Variants in ZNF415 observed in about 807,000 individuals in gnomAD.
The protein encoded by ZNF415 is zinc finger protein 415.
In ZNF415, 5 loss-of-function variants were observed where a neutral mutation model predicts 7.3. That is an observed-to-expected ratio of 0.69 (90% CI 0.36 to 1.44). The LOEUF (loss-of-function observed/expected upper bound fraction) is 1.44, where lower values mean the gene tolerates loss of function less well. Among genes scored for constraint, ZNF415 ranks in the 40% most tolerant of loss-of-function variants. The pLI is 0.04. For missense variants in ZNF415, 628 were observed against 664.8 expected (o/e 0.94, Z 0.61); for synonymous variants, 207 against 226.3 (o/e 0.91, Z 0.77).
intron 2 of ZNF415, among the ~76,000 whole-genome samples, chr19:53,118,552 A>G (rs558719611): frequency 1.3e-5 from 2 of 152,302 alleles, no homozygotes; most frequent in African/African-American, 4.8e-5. Context: ...TAGAACACAA[A>G]ACAAGTCTCA....
chr19:53,121,577 G>A (rs1338756847), intron 2 of ZNF415, among the ~76,000 whole-genome samples: 5 of 151,642 alleles, frequency 3.3e-5, no homozygotes, highest in East Asian at 4.0e-4. Context: ...ACAGGCGTGC[G>A]CCACCACGCC....
In ZNF415 at chr19:53,109,552, C is replaced by A; in HGVS notation, c.493G>T (p.Val165Phe). 1 of 1,614,084 alleles carries A rather than the reference C, an allele frequency of 6.2e-7. No individual in the cohort carries two copies. Among genetic ancestry groups the A allele is most frequent in the Non-Finnish European group, 8.5e-7 (1 of 1,179,998 alleles). ...GAACCATGGTTGACAGACTTCTCAA[C>A]ATGGTTACATTCATAAATTTTCCCT... ...AEGKIYECNH[V>F]EKSVNHGSSV... Residue 165 changes from valine (V) to phenylalanine (F), a missense_variant, in exon 4 of 4, where the codon GTT becomes TTT. Physicochemically the swap from Val to Phe is conservative, Grantham distance 50. Coordinates refer to ENST00000243643, the MANE Select transcript of ZNF415 (RefSeq NM_018355.4).
At chr19:53,128,968 C>T (rs2089663671) in intron 1 of ZNF415, among the ~76,000 whole-genome samples, 1 of 148,470 alleles carries the variant, frequency 6.7e-6, no homozygotes, top group African/African-American at 2.5e-5. Flanking sequence ...GAAGAGTGTC[C>T]GATGTGGTGA....
At position 53,109,541 on chromosome 19, in the gene ZNF415, A is replaced by C; in HGVS notation, c.504T>G (p.Ser168=). Residue 168 remains serine (S), a synonymous_variant, in exon 4 of 4, where the codon TCT becomes TCG. Transcript: ENST00000243643. The part of the protein sequence containing the change: ...KIYECNHVEK[S]VNHGSSVSPP... ...GTGAAACTGAGGAACCATGGTTGACAGACTTCTCAACATGGTTACATTCAT... is the reference window on the plus strand; with the variant it reads ...GTGAAACTGAGGAACCATGGTTGACCGACTTCTCAACATGGTTACATTCAT... 6.2e-7 allele frequency: 1 copy of C among 1,614,094 alleles called. No individual in the cohort carries two copies. The highest frequency in any genetic ancestry group is 2.2e-5 in the East Asian group (1 of 44,878).
At chr19:53,118,738 A>G (rs527769852) in intron 2 of ZNF415, among the ~76,000 whole-genome samples, 1 of 152,116 alleles carries the variant, frequency 6.6e-6, no homozygotes, top group Non-Finnish European at 1.5e-5. Context: ...AAAAAAAAAA[A>G]TCTTGAAACA....
rs2085750265 is a variant in ZNF415, at chr19:53,108,723, T to C, written c.1322A>G (p.Lys441Arg). The part of the protein sequence containing the change: ...RRVHTGEKPY[K>R]CNECGKAFSV... ...AAAGGCTTTCCCACACTCATTACAC[T>C]TGTAAGGTTTCTCTCCAGTATGAAC... The change falls in exon 4 of 4, where the codon AAG becomes AGG. Residue 441 changes from lysine to arginine, a missense_variant. Lys to Arg is a conservative substitution (Grantham distance 26). Coordinates refer to ENST00000243643, the MANE Select transcript of ZNF415 (RefSeq NM_018355.4). 9.3e-6 allele frequency: 15 copies of C among 1,614,202 alleles called. No homozygotes were observed. The highest frequency in any genetic ancestry group is 1.6e-4 in the Middle Eastern group (1 of 6,062).
intron 1 of ZNF415, among the ~76,000 whole-genome samples, chr19:53,130,066 C>CAAAAAAAAAAAAAAAAAAAAAAA (rs11314090): frequency 8.1e-6 from 1 of 123,458 alleles, no homozygotes. Flanking sequence ...CTCCAGCTCA[C>CAAAAAAAAAAAAAAAAAAAAAAA]AAAAAAAAAA....
intron 1 of ZNF415, among the ~76,000 whole-genome samples, chr19:53,127,256 C>T (rs1466906586): frequency 6.6e-6 from 1 of 152,136 alleles, no homozygotes; most frequent in Non-Finnish European, 1.5e-5. Flanking sequence ...CTCAGACACG[C>T]TTACAAACTC....
At chr19:53,123,697 T>C (rs1167283958) in intron 1 of ZNF415, 2 of 398,348 alleles carry the variant, frequency 5.0e-6, no homozygotes, top group East Asian at 3.6e-5. Flanking sequence ...GTCAAACATT[T>C]TTCTCCCACA....
rs2085677412 is a variant in ZNF415, at chr19:53,108,309, G to T, written c.*68C>A. ...CTTGCCACATTTATTATACTTGTAT[G>T]GTTTCTCTCTGATATAAATTCTTTG... On this transcript the variant is annotated 3_prime_UTR_variant, in exon 4 of 4. Transcript: ENST00000243643. The T allele has an allele frequency of 2.8e-6, 4 of 1,433,150 alleles. No homozygotes were observed. In the African/African-American group the frequency reaches 4.3e-5, roughly 15 times the overall value. The allele number at this position is 1,433,150 out of a possible 1,614,324, so 88.8% of individuals were successfully genotyped here.
rs2085688210 is a variant in ZNF415 at position 53,108,390 on chromosome 19, T to C, written c.1655A>G (p.Tyr552Cys). Residue 552 changes from tyrosine to cysteine, a missense_variant, in exon 4 of 4, where the codon TAT becomes TGT. Physicochemically the swap from Tyr to Cys is radical, Grantham distance 194 (BLOSUM62 -2). Coordinates refer to ENST00000243643, the MANE Select transcript of ZNF415 (RefSeq NM_018355.4). ...HQIIHTKEKP[Y>C]KRN ...GACCTTGCCATATTAATTTCTTTTATAAGGTTTCTCCTTAGTATGGATAAT... is the reference window on the plus strand; with the variant it reads ...GACCTTGCCATATTAATTTCTTTTACAAGGTTTCTCCTTAGTATGGATAAT... 1 of 1,600,864 alleles carries C rather than the reference T, an allele frequency of 6.2e-7. No individual in the cohort carries two copies. The highest frequency in any genetic ancestry group is 1.7e-5 in the Admixed American group (1 of 57,328).
rs745830216 is a variant in ZNF415 at position 53,122,717 on chromosome 19, T to C, written c.-41A>G. 1.9e-6 allele frequency: 3 copies of C among 1,614,062 alleles called. No homozygotes were observed. The highest frequency in any genetic ancestry group is 1.3e-5 in the African/African-American group (1 of 75,014). On this transcript the variant is annotated 5_prime_UTR_variant, in exon 2 of 4. The change abolishes an upstream ATG in the 5' untranslated region. Coordinates refer to ENST00000243643, the MANE Select transcript of ZNF415 (RefSeq NM_018355.4). ...TCTCCTCTTCTGGGTTTCTTCCTCA[T>C]GTGCCAGGAGTCTTTGGAAGTCAAT...
rs770517194 is a variant in ZNF415, at chr19:53,109,702, T to G, written c.343A>C (p.Lys115Gln). The G allele has an allele frequency of 1.9e-6, 3 of 1,613,898 alleles. No individual in the cohort carries two copies. The highest frequency in any genetic ancestry group is 1.3e-5 in the African/African-American group (1 of 74,912). Reference protein sequence around the residue: ...RNCNKVTTAPKENLTCRRDQR... With the variant: ...RNCNKVTTAPQENLTCRRDQR... ...TCTCTCCTACAAGTAAGATTTTCTTTTGGGGCCGTAGTCACTTTGTTGCAA... is the reference window on the plus strand; with the variant it reads ...TCTCTCCTACAAGTAAGATTTTCTTGTGGGGCCGTAGTCACTTTGTTGCAA... Residue 115 changes from lysine to glutamine, a missense_variant, in exon 4 of 4, where the codon AAA becomes CAA. Lys to Gln is a moderately conservative substitution (Grantham distance 53). Coordinates refer to ENST00000243643, the MANE Select transcript of ZNF415 (RefSeq NM_018355.4).
chr19:53,130,449 A>G (rs2089913713), intron 1 of ZNF415, among the ~76,000 whole-genome samples: 1 of 152,070 alleles, frequency 6.6e-6, no homozygotes, highest in Non-Finnish European at 1.5e-5. Flanking sequence ...TTGGAGCTAA[A>G]AAAATTGAAA....
intron 3 of ZNF415, among the ~76,000 whole-genome samples, chr19:53,111,322 T>A (rs1045165340): frequency 2.0e-5 from 3 of 148,746 alleles, no homozygotes; most frequent in African/African-American, 7.3e-5. Flanking sequence ...GGTTTAGTTC[T>A]CCTAGCCTAT....
intron 3 of ZNF415, 73 bp downstream of exon 3, chr19:53,116,240 C>T: frequency 1.3e-6 from 2 of 1,533,182 alleles, no homozygotes; most frequent in Non-Finnish European, 1.8e-6. Flanking sequence ...GCAGGGGCTC[C>T]CAAGAGGCAC....
At chr19:53,123,017 T>G (rs923836361) in intron 1 of ZNF415, among the ~76,000 whole-genome samples, 1 of 152,086 alleles carries the variant, frequency 6.6e-6, no homozygotes, top group Admixed American at 6.6e-5. Flanking sequence ...TTAAACCCCA[T>G]GCAGAGCACA....
chr19:53,120,997 T>C (rs545819948), intron 2 of ZNF415, among the ~76,000 whole-genome samples: 1 of 146,170 alleles, frequency 6.8e-6, no homozygotes, highest in Non-Finnish European at 1.5e-5. Flanking sequence ...GGCAGGAGAA[T>C]TGCTTGAACC....
At chr19:53,111,357 T>TTC (rs2086216619) in intron 3 of ZNF415, among the ~76,000 whole-genome samples, 1 of 150,112 alleles carries the variant, frequency 6.7e-6, no homozygotes, top group South Asian at 2.1e-4. Context: ...TTTTTTTTTT[T>TTC]TTTTGAGACC....
Sources: gnomAD v4.1 joint callset for allele counts (sites outside exome capture counted in the v4.1 genomes callset) on GRCh38, gnomAD v4.1.1 for gene constraint, MANE v1.5 for transcripts, NCBI Gene and HGNC (gene_info 2026-07-23, HGNC 2026-07-21) for gene names.